Variants in DLGAP1 observed in about 807,000 individuals in gnomAD.
DLGAP1 encodes disks large-associated protein 1.
Under a neutral mutation model 90.8 loss-of-function variants are expected in DLGAP1, and 11 were observed. That is an observed-to-expected ratio of 0.12 (90% CI 0.08 to 0.20). DLGAP1 has a LOEUF of 0.20. Ranked by LOEUF, DLGAP1 falls within the 10% of genes least tolerant of loss-of-function variation. DLGAP1 has a pLI of 1.00. For synonymous variants in DLGAP1, 558 were observed against 540.7 expected (o/e 1.03, Z -0.44); for missense variants, 1,050 against 1,333.8 (o/e 0.79, Z 3.31).
intron 2 of DLGAP1, among the ~76,000 whole-genome samples, chr18:4,110,810 C>A (rs1192219213): frequency 6.6e-6 from 1 of 152,128 alleles, no homozygotes; most frequent in African/African-American, 2.4e-5. Flanking sequence ...ACTCTTTGCA[C>A]ATTTTGTTAA....
chr18:4,010,051 C>T (rs2074385846), intron 2 of DLGAP1, among the ~76,000 whole-genome samples: 4 of 152,158 alleles, frequency 2.6e-5, no homozygotes. Context: ...CCACAAGGAG[C>T]ACAATTGTCT....
At chr18:3,703,461 C>A (rs892024630) in intron 7 of DLGAP1, among the ~76,000 whole-genome samples, 5 of 152,198 alleles carry the variant, frequency 3.3e-5, no homozygotes, top group African/African-American at 1.2e-4. Flanking sequence ...AAATAGAGGA[C>A]AGAAATTCCC....
At chr18:3,967,029 A>G (rs1199928718) in intron 3 of DLGAP1, among the ~76,000 whole-genome samples, 1 of 152,224 alleles carries the variant, frequency 6.6e-6, no homozygotes, top group Non-Finnish European at 1.5e-5. Context: ...AAGGGAAACC[A>G]GGAGGTGAGG....
rs370409306 is a variant in DLGAP1, at chr18:4,312,665, T to G, written c.-267+142341A>C. 3.9e-4 allele frequency among the ~76,000 whole-genome samples: 60 copies of G among 152,344 alleles called. 1 individual carries two copies. The South Asian group carries it at 0.011, about 28-fold the overall frequency. On this transcript the variant is annotated intron_variant, in intron 1 of 12. Coordinates refer to ENST00000315677, the MANE Select transcript of DLGAP1 (RefSeq NM_004746.4). ...TCATAAAATTTCTGACTAAAACTAT[T>G]AAACATAATTGTAGCATTTTATCAT...
chr18:3,588,294 T>C lies in DLGAP1; in HGVS notation c.1592-6046A>G, dbSNP rs144311190. ...GAACAACATGGAGGAACCCCATCTC[T>C]ACTAAAAATACAAAATTAGTCAGGC... On this transcript the variant is annotated intron_variant, in intron 7 of 12. Transcript: ENST00000315677. 4.0e-3 allele frequency among the ~76,000 whole-genome samples: 610 copies of C among 152,256 alleles called. 3 individuals carry two copies. The highest frequency in any genetic ancestry group is 0.014 in the African/African-American group (581 of 41,548).
intron 7 of DLGAP1, among the ~76,000 whole-genome samples, chr18:3,710,421 T>A (rs1475319694): frequency 1.3e-5 from 2 of 152,192 alleles, no homozygotes; most frequent in African/African-American, 2.4e-5. Context: ...TTTGTTTGTT[T>A]GTTAGTTTAT....
At chr18:3,646,849 C>A (rs1457535642) in intron 7 of DLGAP1, among the ~76,000 whole-genome samples, 1 of 152,000 alleles carries the variant, frequency 6.6e-6, no homozygotes, top group Non-Finnish European at 1.5e-5. Context: ...GGCTTGAACC[C>A]GGGAGGCGGA....
At chr18:4,283,704 T>C (rs947445685) in intron 1 of DLGAP1, among the ~76,000 whole-genome samples, 44 of 152,188 alleles carry the variant, frequency 2.9e-4, no homozygotes, top group African/African-American at 1.0e-3. Context: ...ATACTAAACA[T>C]GCTAATGAAG....
intron 7 of DLGAP1, among the ~76,000 whole-genome samples, chr18:3,691,065 A>G (rs1048464216): frequency 6.6e-6 from 1 of 152,218 alleles, no homozygotes; most frequent in Non-Finnish European, 1.5e-5. Flanking sequence ...ATTCCTGACA[A>G]AGGGGTCTGA....
intron 1 of DLGAP1, among the ~76,000 whole-genome samples, chr18:4,258,042 C>G: frequency 6.7e-6 from 1 of 149,626 alleles, no homozygotes; most frequent in Admixed American, 6.6e-5. Context: ...ATGTTGAATT[C>G]TGTCAGCAAA....
chr18:3,646,287 G>A (rs2059113265), intron 7 of DLGAP1, among the ~76,000 whole-genome samples: 1 of 152,066 alleles, frequency 6.6e-6, no homozygotes, highest in Non-Finnish European at 1.5e-5. Flanking sequence ...CCAGCTACTC[G>A]GGAGGCTGAG....
chr18:4,148,684 A>G (rs971173219), intron 2 of DLGAP1, among the ~76,000 whole-genome samples: 2 of 152,144 alleles, frequency 1.3e-5, no homozygotes, highest in Non-Finnish European at 2.9e-5. Flanking sequence ...GTTTCCCTGC[A>G]CTACCATTCT....
At chr18:3,552,578 G>A (rs2053537212) in intron 9 of DLGAP1, among the ~76,000 whole-genome samples, 1 of 152,174 alleles carries the variant, frequency 6.6e-6, no homozygotes, top group Non-Finnish European at 1.5e-5. Flanking sequence ...AGCCTAAGAA[G>A]GCTCAGGGCA....
chr18:3,813,408 C>G (rs2066938328), intron 5 of DLGAP1, among the ~76,000 whole-genome samples: 1 of 152,180 alleles, frequency 6.6e-6, no homozygotes, highest in Admixed American at 6.5e-5. Context: ...TAAGTGTACT[C>G]TATGATGTGT....
In DLGAP1 at chr18:3,568,403, T is replaced by A. The variant is rs1478241892; in HGVS notation, c.1966-822A>T. ...TAAATAGCTATGTGTATATTACAGC[T>A]ATATAGAAAATATACCATATAGAAC... On this transcript the variant is annotated intron_variant, in intron 8 of 12. Transcript: ENST00000315677. 5.8e-4 allele frequency among the ~76,000 whole-genome samples: 88 copies of A among 152,194 alleles called. 2 individuals carry two copies. Among genetic ancestry groups the A allele is most frequent in the Admixed American group, 5.7e-3 (87 of 15,276 alleles).
At chr18:3,697,971 C>T (rs58206315) in intron 7 of DLGAP1, among the ~76,000 whole-genome samples, 41,994 of 152,004 alleles carry the variant, frequency 0.28, 6,788 homozygotes, top group African/African-American at 0.43. Context: ...TCTTTATTGG[C>T]TTAAAGTCTG....
rs577470978 is a variant in DLGAP1 at position 3,550,165 on chromosome 18, G to A, written c.2058-15550C>T. On this transcript the variant is annotated intron_variant, in intron 9 of 12. Transcript: ENST00000315677. Reference sequence around the variant, plus strand: ...CTGACCTCGTGATCCACCTGCCTCGGCCTCCCAAAGTGCTGGAGTTACAGG... The same window carrying A: ...CTGACCTCGTGATCCACCTGCCTCGACCTCCCAAAGTGCTGGAGTTACAGG... 1.6e-4 allele frequency among the ~76,000 whole-genome samples: 25 copies of A among 151,990 alleles called. No homozygotes were observed. In the South Asian group the frequency reaches 4.8e-3, roughly 29 times the overall value.
Position 3,534,511 on chromosome 18 carries a change from G to C in DLGAP1, c.2162C>G (p.Ser721Trp), listed in dbSNP as rs764753107. ...CTGTCTGGCCATGGGGCCAGGACAC[G>C]AATTGTCCTCTATAGATTCCAGAGA... ...ENSLESIEDN[S>W]CPGPMARQFS... The change falls in exon 10 of 13, where the codon TCG (serine) becomes TGG (tryptophan). Residue 721 changes from serine to tryptophan, a missense_variant. Ser to Trp is a radical substitution (Grantham distance 177). This residue lies in a region of DLGAP1 where 565 missense variants were observed against 879.7 expected (regional missense o/e 0.64). Transcript: ENST00000315677. 2 of 1,614,086 alleles carry C rather than the reference G, an allele frequency of 1.2e-6. No individual in the cohort carries two copies. The highest frequency in any genetic ancestry group is 3.3e-5 in the Admixed American group (2 of 60,002).
At chr18:4,259,009 A>G (rs1343655078) in intron 1 of DLGAP1, among the ~76,000 whole-genome samples, 4 of 152,198 alleles carry the variant, frequency 2.6e-5, no homozygotes, top group Admixed American at 6.5e-5. Context: ...ACATTATTTT[A>G]TATTTTATTA....
Sources: gnomAD v4.1 joint callset for allele counts (sites outside exome capture counted in the v4.1 genomes callset) on GRCh38, gnomAD v4.1.1 for gene constraint, gnomAD v4.1.1 regional missense constraint, MANE v1.5 for transcripts, NCBI Gene and HGNC (gene_info 2026-07-23, HGNC 2026-07-21) for gene names.